CKB: variants seen among roughly 807,000 people sequenced by gnomAD.
The protein encoded by CKB is creatine kinase B.
In CKB, 15 loss-of-function variants were observed where a neutral mutation model predicts 36.9. That is an observed-to-expected ratio of 0.41 (90% CI 0.27 to 0.63). CKB has a LOEUF of 0.63. Ranked by LOEUF, CKB falls within the 20% of genes least tolerant of loss-of-function variation. The pLI is 0.34. For missense variants in CKB, 413 were observed against 534.9 expected (o/e 0.77, Z 2.25); for synonymous variants, 250 against 228.2 (o/e 1.10, Z -0.86).
chr14:103,522,043 G>T lies in CKB; in HGVS notation c.328C>A (p.Leu110Ile). The T allele has an allele frequency of 1.9e-6, 3 of 1,549,036 alleles. No homozygotes were observed. The highest frequency in any genetic ancestry group is 2.6e-6 in the Non-Finnish European group (3 of 1,146,736). Residue 110 changes from leucine to isoleucine, a missense_variant, in exon 3 of 8, where the codon CTC becomes ATC. Physicochemically the swap from Leu to Ile is conservative, Grantham distance 5 (BLOSUM62 2). Coordinates refer to ENST00000348956, the MANE Select transcript of CKB (RefSeq NM_001823.5). The surrounding 1 kb of genome is among the most constrained non-coding windows in gnomAD (Gnocchi z 6.7). ...CGCACCTGCAGGTTGTCGGGGTTGA[G>T]GTCGGTCTTGTGCTCATCGCTGGGC... ...YKPSDEHKTD[L>I]NPDNLQGGDD...
At position 103,520,231 on chromosome 14, in the gene CKB, G is replaced by A; in HGVS notation, c.858C>T (p.Asn286=). Residue 286 remains asparagine (N), a synonymous_variant, in exon 7 of 8, where the codon AAC becomes AAT. Coordinates refer to ENST00000348956, the MANE Select transcript of CKB (RefSeq NM_001823.5). ...CACCTGCCCGCAGCCCGGTGCCCAG[G>A]TTGGATGGGCAGGTGAGGATGTAGC... The part of the protein sequence containing the change: ...HLGYILTCPS[N]LGTGLRAGVH... The A allele has an allele frequency of 8.1e-6, 13 of 1,613,670 alleles. No homozygotes were observed. Among genetic ancestry groups the A allele is most frequent in the Non-Finnish European group, 1.1e-5 (13 of 1,179,968 alleles).
Position 103,519,978 on chromosome 14 carries a change from G to T in CKB, c.1032C>A (p.Phe344Leu). 1 of 1,611,200 alleles carries T rather than the reference G, an allele frequency of 6.2e-7. No individual in the cohort carries two copies. The change falls in exon 8 of 8, where the codon TTC becomes TTA. Residue 344 changes from phenylalanine (F) to leucine (L), a missense_variant. By Grantham distance (22) the Phe-to-Leu change is conservative. Transcript: ENST00000348956. ...FDVSNADRLG[F>L]SEVELVQMVV... The stretch of plus-strand genomic sequence containing the variant: ...CCATCTGCACCAGCTCCACCTCTGA[G>T]AAGCCCAGGCGGTCAGCGTTGGAGA...
chr14:103,520,843 C>T, intron 5 of CKB: 2 of 527,792 alleles, frequency 3.8e-6, no homozygotes, highest in South Asian at 4.2e-5. Flanking sequence ...ACAGCCCGAC[C>T]CGCCCCCCAC....
chr14:103,520,744 C>T, intron 5 of CKB, 152 bp from the exon 6 acceptor site: 1 of 1,079,096 alleles, frequency 9.3e-7, no homozygotes, highest in Non-Finnish European at 1.3e-6. Flanking sequence ...ACGGGGCGGG[C>T]GGGGGAACCG....
chr14:103,521,092 G>A (rs1210187396), intron 5 of CKB, 171 bp downstream of exon 5: 4 of 852,426 alleles, frequency 4.7e-6, no homozygotes, highest in Non-Finnish European at 5.7e-6. Context: ...CAAGGTCACC[G>A]GCGCAGGAGG....
intron 5 of CKB, 62 bp from the exon 6 acceptor site, chr14:103,520,654 A>G: frequency 6.5e-7 from 1 of 1,545,734 alleles, no homozygotes; most frequent in Non-Finnish European, 8.7e-7. Flanking sequence ...CCCAGACCAA[A>G]GGAACTTCCC....
rs1292835611 is a variant in CKB at position 103,521,666 on chromosome 14, C to A, written c.481+152G>T. The stretch of plus-strand genomic sequence containing the variant: ...TGTGGGCGCGGGGCTGGGCCTCCGT[C>A]CCTCGGTCCCTCCGGGAAACTGAAC... On this transcript the variant is annotated intron_variant, in intron 4 of 7. Coordinates refer to ENST00000348956, the MANE Select transcript of CKB (RefSeq NM_001823.5). The A allele has an allele frequency of 6.7e-6, 7 of 1,043,952 alleles. No homozygotes were observed. The East Asian group carries it at 2.3e-4, about 35-fold the overall frequency. The allele number at this position is 1,043,952 out of a possible 1,614,324, so 64.7% of individuals were successfully genotyped here.
At chr14:103,521,013 G>A (rs2075896289) in intron 5 of CKB, 5 of 623,558 alleles carry the variant, frequency 8.0e-6, no homozygotes, top group Admixed American at 5.3e-5. Flanking sequence ...ACGTCTCGGG[G>A]TGGGGAGGTG....
Position 103,522,574 on chromosome 14 carries a change from GC to G in CKB, c.-12-70del. On this transcript the variant is annotated intron_variant, in intron 1 of 7. Transcript: ENST00000348956. The surrounding 1 kb of genome is among the most constrained non-coding windows in gnomAD (Gnocchi z 6.7). ...TCCCGGGCTCCCGCGTACCACTCAG[GC>G]CCCCGCCGCCGGGCCCCCCGGCGCC... 1 of 357,766 alleles carries G rather than the reference GC, an allele frequency of 2.8e-6. No individual in the cohort carries two copies. Among genetic ancestry groups the G allele is most frequent in the Non-Finnish European group, 4.5e-6 (1 of 222,246 alleles). The allele number at this position is 357,766 out of a possible 1,614,324, so 22.2% of individuals were successfully genotyped here. A position where few individuals can be genotyped will look rare whatever the true frequency, so the allele number is the denominator to read the frequency against.
At chr14:103,521,597 G>A in intron 4 of CKB, 163 bp from the exon 5 acceptor site, 1 of 915,446 alleles carries the variant, frequency 1.1e-6, no homozygotes, top group Admixed American at 4.3e-5. Context: ...GGTCCCAGGC[G>A]GTGACCCCGC....
chr14:103,522,574 G>C lies in CKB; in HGVS notation c.-12-69C>G. 225 of 357,204 alleles carry C rather than the reference G, an allele frequency of 6.3e-4. No homozygotes were observed. Among genetic ancestry groups the C allele is most frequent in the Non-Finnish European group, 9.2e-4 (204 of 221,750 alleles). The allele number at this position is 357,204 out of a possible 1,614,324, so 22.1% of individuals were successfully genotyped here. Reference sequence around the variant, plus strand: ...TCCCGGGCTCCCGCGTACCACTCAGGCCCCCGCCGCCGGGCCCCCCGGCGC... The same window carrying C: ...TCCCGGGCTCCCGCGTACCACTCAGCCCCCCGCCGCCGGGCCCCCCGGCGC... On this transcript the variant is annotated intron_variant, in intron 1 of 7. Coordinates refer to ENST00000348956, the MANE Select transcript of CKB (RefSeq NM_001823.5). The surrounding 1 kb of genome is among the most constrained non-coding windows in gnomAD (Gnocchi z 6.7).
Position 103,522,803 on chromosome 14 carries a change from G to C in CKB, c.-50C>G, listed in dbSNP as rs1009309305. The C allele has an allele frequency of 6.6e-6, 1 of 150,878 alleles. No individual in the cohort carries two copies. Among genetic ancestry groups the C allele is most frequent in the African/African-American group, 2.4e-5 (1 of 41,264 alleles). The allele number at this position is 150,878 out of a possible 1,614,324, so 9.3% of individuals were successfully genotyped here. A position where few individuals can be genotyped will look rare whatever the true frequency, so the allele number is the denominator to read the frequency against. On this transcript the variant is annotated 5_prime_UTR_variant, in exon 1 of 8. Transcript: ENST00000348956. The surrounding 1 kb of genome is among the most constrained non-coding windows in gnomAD (Gnocchi z 6.7). ...CGGGGGCGGGGGCGCTCCGTCCGTC[G>C]GCAGCTCCCGGAGCGACGCAGGCGA...
At position 103,519,779 on chromosome 14, in the gene CKB, C is replaced by T. The variant is rs891140477; in HGVS notation, c.*85G>A. On this transcript the variant is annotated 3_prime_UTR_variant, in exon 8 of 8. Transcript: ENST00000348956. ...ACAGCAAGGCTAAGGGCTCGCCAGA[C>T]GGCGAACATCAGGGGTGCATGGTGG... 26 of 1,451,518 alleles carry T rather than the reference C, an allele frequency of 1.8e-5. No individual in the cohort carries two copies. The South Asian group carries it at 2.1e-4, about 12-fold the overall frequency. The allele number at this position is 1,451,518 out of a possible 1,614,324, so 89.9% of individuals were successfully genotyped here.
chr14:103,521,393 C>T lies in CKB; in HGVS notation c.523G>A (p.Ala175Thr). Reference protein sequence around the residue: ...LDGDLAGRYYALKSMTEAEQQ... With the variant: ...LDGDLAGRYYTLKSMTEAEQQ... ...TCCGCCTCCGTCATGCTCTTGAGCG[C>T]GTAGTATCGGCCCGCCAGGTCGCCG... Residue 175 changes from alanine (A) to threonine (T), a missense_variant, in exon 5 of 8, where the codon GCG becomes ACG. Ala to Thr is a moderately conservative substitution (Grantham distance 58). Coordinates refer to ENST00000348956, the MANE Select transcript of CKB (RefSeq NM_001823.5). 1 of 1,607,508 alleles carries T rather than the reference C, an allele frequency of 6.2e-7. No individual in the cohort carries two copies. Among genetic ancestry groups the T allele is most frequent in the Non-Finnish European group, 8.5e-7 (1 of 1,179,150 alleles).
At position 103,522,580 on chromosome 14, in the gene CKB, G is replaced by A. The variant is rs2075912483; in HGVS notation, c.-12-75C>T. 7.3e-6 allele frequency: 3 copies of A among 408,724 alleles called. No homozygotes were observed. The highest frequency in any genetic ancestry group is 7.4e-6 in the Non-Finnish European group (2 of 271,294). The allele number at this position is 408,724 out of a possible 1,614,324, so 25.3% of individuals were successfully genotyped here. On this transcript the variant is annotated intron_variant, in intron 1 of 7. Transcript: ENST00000348956. This position sits in a 1 kb window ranked among gnomAD's most constrained non-coding sequence, Gnocchi z 6.7. Reference sequence around the variant, plus strand: ...GCTCCCGCGTACCACTCAGGCCCCCGCCGCCGGGCCCCCCGGCGCCCCCCG... The same window carrying A: ...GCTCCCGCGTACCACTCAGGCCCCCACCGCCGGGCCCCCCGGCGCCCCCCG...
At position 103,521,290 on chromosome 14, in the gene CKB, C is replaced by T. The variant is rs2075898671; in HGVS notation, c.626G>A (p.Arg209His). ...SPLLLASGMA[R>H]DWPDARGIWH... Reference sequence around the variant, plus strand: ...GATACCGCGGGCGTCGGGCCAGTCGCGGGCCATGCCCGAGGCCAGCAGCAG... The same window carrying T: ...GATACCGCGGGCGTCGGGCCAGTCGTGGGCCATGCCCGAGGCCAGCAGCAG... The change falls in exon 5 of 8, where the codon CGC becomes CAC. Residue 209 changes from arginine (R) to histidine (H), a missense_variant. Around this residue, in one of 3 missense-constraint regions of CKB, gnomAD observed 314 missense variants for 409.4 expected, o/e 0.77. Coordinates refer to ENST00000348956, the MANE Select transcript of CKB (RefSeq NM_001823.5). The T allele has an allele frequency of 6.2e-7, 1 of 1,602,090 alleles. No individual in the cohort carries two copies. Among genetic ancestry groups the T allele is most frequent in the East Asian group, 2.2e-5 (1 of 44,640 alleles).
chr14:103,521,460 C>G lies in CKB; in HGVS notation c.482-26G>C, dbSNP rs202115891. ...CTGCGAGGGGTGCGCTCAGGACGCTCGGCTCCCGCGCCCGCCCCTCCAGCC... is the reference window on the plus strand; with the variant it reads ...CTGCGAGGGGTGCGCTCAGGACGCTGGGCTCCCGCGCCCGCCCCTCCAGCC... On this transcript the variant is annotated intron_variant, in intron 4 of 7. Transcript: ENST00000348956. 2,879 of 1,494,354 alleles carry G rather than the reference C, an allele frequency of 1.9e-3. 8 individuals carry two copies. Among genetic ancestry groups the G allele is most frequent in the Middle Eastern group, 3.3e-3 (15 of 4,512 alleles). The allele number at this position is 1,494,354 out of a possible 1,614,324, so 92.6% of individuals were successfully genotyped here.
intron 5 of CKB, chr14:103,521,046 G>A (rs780397194): frequency 5.8e-6 from 4 of 694,182 alleles, no homozygotes; most frequent in South Asian, 1.5e-5. Flanking sequence ...GAGCCCCCAC[G>A]GGCCGGGGCC....
In CKB at chr14:103,521,891, G is replaced by A; in HGVS notation, c.408C>T (p.Ser136=). ...GCGGGGGGAGGCAGAAGCCACGGAT[G>A]CTGCGGCCCGTGCGCACCCGCGAGC... ...VLSSRVRTGR[S]IRGFCLPPHC... Residue 136 remains serine, a synonymous_variant, in exon 4 of 8, where the codon AGC becomes AGT. Transcript: ENST00000348956. 1.9e-6 allele frequency: 3 copies of A among 1,571,572 alleles called. No homozygotes were observed. The highest frequency in any genetic ancestry group is 2.6e-6 in the Non-Finnish European group (3 of 1,168,608).
Sources: gnomAD v4.1 joint callset for allele counts on GRCh38, gnomAD v4.1.1 for gene constraint, gnomAD v4.1.1 regional missense constraint, Gnocchi (gnomAD v3.1) non-coding constraint, MANE v1.5 for transcripts, NCBI Gene and HGNC (gene_info 2026-07-23, HGNC 2026-07-21) for gene names.